NPAT: variants seen among roughly 807,000 people sequenced by gnomAD.
NPAT encodes protein NPAT.
NPAT carries 52 observed loss-of-function variants against 130.7 expected under a neutral mutation model. The ratio of observed to expected loss-of-function variants is 0.40; its 90% CI spans 0.32 to 0.50. The LOEUF (loss-of-function observed/expected upper bound fraction) is 0.50. Ranked by LOEUF, NPAT falls within the 20% of genes least tolerant of loss-of-function variation. The pLI is 0.68. For synonymous variants in NPAT, 580 were observed against 584.8 expected (o/e 0.99, Z 0.12); for missense variants, 1,687 against 1,662.6 (o/e 1.01, Z -0.26).
chr11:108,218,824 AGGGTAACAGTT>A (rs1206312736), intron 1 of NPAT, among the ~76,000 whole-genome samples: 1 of 152,258 alleles, frequency 6.6e-6, no homozygotes, highest in Non-Finnish European at 1.5e-5. Context: ...AGGTTTATGA[AGGGTAACAGTT>A]GGAGATACAA....
chr11:108,173,598 T>C lies in NPAT; in HGVS notation c.1386A>G (p.Glu462=). The C allele has an allele frequency of 5.6e-6, 9 of 1,614,216 alleles. No individual in the cohort carries two copies. Among genetic ancestry groups the C allele is most frequent in the East Asian group, 2.2e-5 (1 of 44,878 alleles). ...ATAATTCAGCACAATGTGGATTACA[T>C]TCAGCATTAGAATTCCCTCTTTGGT... ...DFNQRGNSNA[E]CNPHCAELYT... is the part of the protein sequence containing the mutation. Residue 462 remains glutamate (E), a synonymous_variant, in exon 13 of 18, where the codon GAA becomes GAG. Transcript: ENST00000278612.
At chr11:108,171,486 GT>G (rs372887453) in intron 13 of NPAT, 2,256 of 132,286 alleles carry the variant, frequency 0.017, 56 homozygotes, top group African/African-American at 0.056. Flanking sequence ...AGAAATTCAA[GT>G]TTTTTTTTTT....
chr11:108,218,121 T>C (rs933287099), intron 1 of NPAT, among the ~76,000 whole-genome samples: 1 of 152,220 alleles, frequency 6.6e-6, no homozygotes, highest in African/African-American at 2.4e-5. Flanking sequence ...TAAAAACAAC[T>C]TAAGAATAAA....
At position 108,170,795 on chromosome 11, in the gene NPAT, C is replaced by G. The variant is rs1192312785; in HGVS notation, c.2786-752G>C. ...TTGCTTTAACTCCAAATCCTACCTT[C>G]ATTCTTTAAGCTTTAGCTCAAGCCC... On this transcript the variant is annotated intron_variant, in intron 13 of 17. Transcript: ENST00000278612. Among the ~76,000 whole-genome samples, 3 of 152,326 alleles carry G rather than the reference C, an allele frequency of 2.0e-5. No individual in the cohort carries two copies. The East Asian group carries it at 5.8e-4, about 29-fold the overall frequency.
chr11:108,197,301 C>T lies in NPAT; in HGVS notation c.156+1G>A. ...TTTCCCTTAAGGAACAAATAACTCA[C>T]CAGTAAGCAGGCTGGAATAAACCCT... On this transcript the variant is annotated splice_donor_variant, in intron 2 of 17. Coordinates refer to ENST00000278612, the MANE Select transcript of NPAT (RefSeq NM_002519.3). LOFTEE classifies it high-confidence loss of function. 2 of 1,540,886 alleles carry T rather than the reference C, an allele frequency of 1.3e-6. No individual in the cohort carries two copies. The highest frequency in any genetic ancestry group is 1.8e-6 in the Non-Finnish European group (2 of 1,113,484).
intron 1 of NPAT, among the ~76,000 whole-genome samples, chr11:108,215,668 T>C (rs2078429852): frequency 6.6e-6 from 1 of 152,182 alleles, no homozygotes; most frequent in Non-Finnish European, 1.5e-5. Context: ...ACTAAGGTTT[T>C]AAAAAGGAAA....
chr11:108,161,546 A>G lies in NPAT; in HGVS notation c.3540T>C (p.Asn1180=). The G allele has an allele frequency of 1.2e-6, 2 of 1,614,062 alleles. No homozygotes were observed. Among genetic ancestry groups the G allele is most frequent in the Non-Finnish European group, 1.7e-6 (2 of 1,179,992 alleles). Residue 1180 remains asparagine (N), a synonymous_variant, in exon 17 of 18, where the codon AAT becomes AAC. Transcript: ENST00000278612. ...ELCSDVERQK[N]PENSKLSIGQ... is the part of the protein sequence containing the mutation. ...CAATAGATAGTTTTGAATTTTCTGG[A>G]TTTTTCTGTCTTTCTACATCGCTGC...
intron 1 of NPAT, among the ~76,000 whole-genome samples, chr11:108,208,740 T>C (rs1211464098): frequency 6.6e-6 from 1 of 152,074 alleles, no homozygotes; most frequent in African/African-American, 2.4e-5. Context: ...CTTTCAGTAA[T>C]ACATAGAACA....
intron 8 of NPAT, among the ~76,000 whole-genome samples, chr11:108,185,762 G>A (rs904535127): frequency 5.3e-5 from 8 of 152,072 alleles, no homozygotes; most frequent in South Asian, 2.1e-4. Flanking sequence ...TTACAGTGTC[G>A]CTCTATAGCC....
intron 4 of NPAT, among the ~76,000 whole-genome samples, chr11:108,191,318 C>A (rs572837008): frequency 4.5e-4 from 68 of 152,112 alleles, no homozygotes; most frequent in African/African-American, 1.6e-3. Context: ...AAAGAAGATG[C>A]CAACAAACAT....
chr11:108,159,035 A>C lies in NPAT; in HGVS notation c.4207-16T>G, dbSNP rs1341992712. On this transcript the variant is annotated splice_polypyrimidine_tract_variant and intron_variant, in intron 17 of 17. Coordinates refer to ENST00000278612, the MANE Select transcript of NPAT (RefSeq NM_002519.3). Reference sequence around the variant, plus strand: ...GCTTCTTTTTCTGTTGAAAAAGAGAAAGAAAAAATAAACTCAAAACAAGGC... The same window carrying C: ...GCTTCTTTTTCTGTTGAAAAAGAGACAGAAAAAATAAACTCAAAACAAGGC... 1 of 1,566,790 alleles carries C rather than the reference A, an allele frequency of 6.4e-7. No homozygotes were observed. The highest frequency in any genetic ancestry group is 8.7e-7 in the Non-Finnish European group (1 of 1,144,798).
intron 1 of NPAT, among the ~76,000 whole-genome samples, chr11:108,212,290 C>T (rs1056980620): frequency 7.2e-5 from 11 of 152,108 alleles, no homozygotes; most frequent in South Asian, 2.1e-4. Flanking sequence ...TTTGGGAGGC[C>T]GAGCTGGGCG....
rs368417763 is a variant in NPAT at position 108,182,542 on chromosome 11, C to T, written c.906+2690G>A. Among the ~76,000 whole-genome samples the T allele has an allele frequency of 2.2e-4, 33 of 152,350 alleles. 1 individual carries two copies. In the East Asian group the frequency reaches 5.8e-3, roughly 27 times the overall value. On this transcript the variant is annotated intron_variant, in intron 10 of 17. Transcript: ENST00000278612. ...AAACGGAGTCTCACTCTGTCGCCTA[C>T]GCTGGAGTGCAGTGGCGCGATCTCG...
rs548074172 is a variant in NPAT at position 108,176,550 on chromosome 11, G to T, written c.1004-176C>A. Among the ~76,000 whole-genome samples, 9 of 152,296 alleles carry T rather than the reference G, an allele frequency of 5.9e-5. No individual in the cohort carries two copies. In the South Asian group the frequency reaches 1.9e-3, roughly 32 times the overall value. On this transcript the variant is annotated intron_variant, in intron 11 of 17. Coordinates refer to ENST00000278612, the MANE Select transcript of NPAT (RefSeq NM_002519.3). The stretch of plus-strand genomic sequence containing the variant: ...GTACAAAGATTTTCCCACTAGACAG[G>T]TGTTTCTTAAACTTTAGCCCAGTAA...
intron 4 of NPAT, among the ~76,000 whole-genome samples, chr11:108,191,548 T>C (rs1015959941): frequency 1.3e-5 from 2 of 152,254 alleles, no homozygotes; most frequent in African/African-American, 4.8e-5. Context: ...GGAGCCATTT[T>C]AGCAGGTTAA....
chr11:108,161,700 G>C lies in NPAT; in HGVS notation c.3386C>G (p.Ser1129Cys), dbSNP rs2077852313. Residue 1129 changes from serine to cysteine, a missense_variant, in exon 17 of 18, where the codon TCT (serine) becomes TGT (cysteine). By Grantham distance (112) the Ser-to-Cys change is moderately radical. Coordinates refer to ENST00000278612, the MANE Select transcript of NPAT (RefSeq NM_002519.3). ...CCGGCTAATGGCACTTTCCGATTTA[G>C]ATAAAATCTTAGGCAGAGGAGGCTT... ...KEKPPLPKIL[S>C]KSESAISRHT... The C allele has an allele frequency of 6.2e-7, 1 of 1,613,816 alleles. No individual in the cohort carries two copies. The highest frequency in any genetic ancestry group is 8.5e-7 in the Non-Finnish European group (1 of 1,180,012).
chr11:108,186,157 C>T (rs977625720), intron 8 of NPAT, among the ~76,000 whole-genome samples: 8 of 152,070 alleles, frequency 5.3e-5, no homozygotes, highest in Admixed American at 2.0e-4. Context: ...GCTAGGACTA[C>T]AGGCACGTGC....
intron 3 of NPAT, 35 bp downstream of exon 3, chr11:108,193,922 A>T: frequency 2.5e-6 from 3 of 1,207,020 alleles, no homozygotes; most frequent in Non-Finnish European, 3.7e-6. Flanking sequence ...AATATTGTAT[A>T]CATCAGCAAA....
At chr11:108,211,766 T>C (rs796522331) in intron 1 of NPAT, among the ~76,000 whole-genome samples, 14 of 152,186 alleles carry the variant, frequency 9.2e-5, no homozygotes, top group African/African-American at 2.9e-4. Context: ...CTGGGCAATA[T>C]AGTGAGACCC....
Sources: allele counts gnomAD v4.1 joint callset (sites outside exome capture counted in the v4.1 genomes callset), GRCh38; gene constraint gnomAD v4.1.1; transcripts MANE v1.5; gene names NCBI Gene and HGNC (gene_info 2026-07-23, HGNC 2026-07-21).